The following AOPEP variants were observed in gnomAD, a reference collection of about 807,000 sequenced individuals.
AOPEP encodes the protein aminopeptidase O (putative).
A neutral mutation model predicts 98.1 loss-of-function variants in AOPEP; 77 were observed. The observed-to-expected ratio is 0.78, with a 90% CI of 0.65 to 0.95. The LOEUF is 0.95. Among genes scored for constraint, AOPEP ranks in the 40% least tolerant of loss-of-function variants. The probability of loss-of-function intolerance (pLI) is 0.00; values close to 1 mark genes in which losing one functional copy is unlikely to be tolerated. For synonymous variants in AOPEP, 346 were observed against 365.3 expected (o/e 0.95, Z 0.60); for missense variants, 1,024 against 1,024.7 (o/e 1.00, Z 0.01).
chr9:94,953,942 A>G (rs2058282819), intron 7 of AOPEP, among the ~76,000 whole-genome samples: 1 of 152,222 alleles, frequency 6.6e-6, no homozygotes, highest in Admixed American at 6.5e-5. Flanking sequence ...AAATATTTAA[A>G]ATTTTAAAGC....
chr9:94,768,163 G>A (rs758835180), intron 2 of AOPEP, among the ~76,000 whole-genome samples: 1 of 152,070 alleles, frequency 6.6e-6, no homozygotes, highest in African/African-American at 2.4e-5. Flanking sequence ...CTAAACTGTC[G>A]CATCTGTGGC....
At chr9:94,849,485 CTTT>C (rs1246780945) in intron 5 of AOPEP, among the ~76,000 whole-genome samples, 1 of 129,804 alleles carries the variant, frequency 7.7e-6, no homozygotes, top group Non-Finnish European at 1.6e-5. Context: ...GGTAACATTT[CTTT>C]TTTTTCTTTC....
chr9:95,004,702 A>G (rs1384414304), intron 11 of AOPEP, among the ~76,000 whole-genome samples: 4 of 134,100 alleles, frequency 3.0e-5, no homozygotes, highest in African/African-American at 5.7e-5. Context: ...CAGGGCGCGG[A>G]GCCGGGGGAG....
At chr9:95,096,522 C>T in the AOPEP span, among the ~76,000 whole-genome samples, 3 of 152,196 alleles carry the variant, frequency 2.0e-5, no homozygotes, top group South Asian at 2.1e-4. Context: ...GCCCAACAGG[C>T]GGCGGGCTCT....
At chr9:95,015,277 CTT>C (rs1471334812) in intron 13 of AOPEP, among the ~76,000 whole-genome samples, 5 of 152,134 alleles carry the variant, frequency 3.3e-5, no homozygotes, top group Admixed American at 3.3e-4. Flanking sequence ...GTGTTAGTGT[CTT>C]TATTTGAATA....
intron 11 of AOPEP, among the ~76,000 whole-genome samples, chr9:94,985,413 G>A (rs2060459588): frequency 6.6e-6 from 1 of 152,196 alleles, no homozygotes; most frequent in Non-Finnish European, 1.5e-5. Flanking sequence ...TATGCAGGAG[G>A]CTTTATGTCA....
chr9:94,877,832 C>T (rs1381028884), intron 5 of AOPEP, among the ~76,000 whole-genome samples: 4 of 152,188 alleles, frequency 2.6e-5, no homozygotes, highest in African/African-American at 9.7e-5. Context: ...CTTTTGCAGG[C>T]ATCACTTGGA....
intron 13 of AOPEP, among the ~76,000 whole-genome samples, chr9:95,049,294 G>A (rs1010149679): frequency 5.3e-5 from 8 of 152,198 alleles, no homozygotes; most frequent in African/African-American, 1.9e-4. Flanking sequence ...ACTTTGATAT[G>A]TTAAAGGGAA....
intron 2 of AOPEP, chr9:94,762,979 C>T (rs902385432): frequency 7.6e-5 from 17 of 223,530 alleles, no homozygotes; most frequent in Non-Finnish European, 1.7e-4. Flanking sequence ...CTAGCTAGAG[C>T]TTATTCCTCC....
chr9:94,985,228 T>G lies in AOPEP; in HGVS notation c.1977+5801T>G, dbSNP rs553948391. On this transcript the variant is annotated intron_variant, in intron 11 of 16. Coordinates refer to ENST00000375315, the MANE Select transcript of AOPEP (RefSeq NM_001193329.3). ...GAAAGCAACTTGGGTTCCCAGACTT[T>G]CTCCTGAATCCCAGAATTTAGAACA... Among the ~76,000 whole-genome samples, 92 of 152,368 alleles carry G rather than the reference T, an allele frequency of 6.0e-4. 1 individual carries two copies. The highest frequency in any genetic ancestry group is 2.1e-3 in the African/African-American group (86 of 41,590).
chr9:94,945,203 T>A (rs867753900), intron 7 of AOPEP, among the ~76,000 whole-genome samples: 1 of 152,324 alleles, frequency 6.6e-6, no homozygotes, highest in Middle Eastern at 3.4e-3. Context: ...CACAAGATTG[T>A]GTGTTTTATC....
the AOPEP span, among the ~76,000 whole-genome samples, chr9:95,148,444 G>A: frequency 5.3e-5 from 8 of 152,196 alleles, no homozygotes; most frequent in Admixed American, 5.2e-4. Context: ...AATTAGCAAA[G>A]TGACTCAGTC....
At chr9:95,088,354 C>T (rs2070815941), downstream of AOPEP, among the ~76,000 whole-genome samples, 1 of 152,132 alleles carries the variant, frequency 6.6e-6, no homozygotes. Flanking sequence ...GGATTACAGG[C>T]TCCCGCCACC....
chr9:94,841,431 C>T (rs956473917), intron 5 of AOPEP, among the ~76,000 whole-genome samples: 1 of 152,186 alleles, frequency 6.6e-6, no homozygotes, highest in Non-Finnish European at 1.5e-5. Context: ...GCCTTGGCCT[C>T]CCAAAGTGCT....
In AOPEP at chr9:94,994,844, G is replaced by A. The variant is rs139060757; in HGVS notation, c.1978-10314G>A. ...TGTACACCTGTAATCCCAGCTACTC[G>A]GGAGGCTGAGGCAAGAGAATTGTTT... is the stretch of plus-strand genomic sequence containing the variant. On this transcript the variant is annotated intron_variant, in intron 11 of 16. Coordinates refer to ENST00000375315, the MANE Select transcript of AOPEP (RefSeq NM_001193329.3). Among the ~76,000 whole-genome samples, 1,151 of 152,220 alleles carry A rather than the reference G, an allele frequency of 7.6e-3. 15 individuals carry two copies. The highest frequency in any genetic ancestry group is 0.026 in the African/African-American group (1,075 of 41,526).
the AOPEP span, chr9:95,117,345 G>C: frequency 1.2e-6 from 2 of 1,614,130 alleles, no homozygotes; most frequent in Non-Finnish European, 1.7e-6. Context: ...ACCATGGCAA[G>C]AGATGGAGAA....
At chr9:95,042,882 C>T (rs7862156) in intron 13 of AOPEP, among the ~76,000 whole-genome samples, 115,120 of 152,096 alleles carry the variant, frequency 0.76, 46,110 homozygotes, top group Non-Finnish European at 0.89. Context: ...GGCCATTATC[C>T]TGCCTACAAC....
chr9:95,145,302 T>C, the AOPEP span: 1 of 152,064 alleles, frequency 6.6e-6, no homozygotes, highest in Non-Finnish European at 1.5e-5. Flanking sequence ...AAAACACAAA[T>C]ACAACAAAAC....
intron 1 of AOPEP, among the ~76,000 whole-genome samples, chr9:94,751,961 C>T (rs966926955): frequency 2.5e-4 from 37 of 147,714 alleles, no homozygotes; most frequent in African/African-American, 8.7e-4. Flanking sequence ...GACACAATCA[C>T]GACTCACTGT....
Sources: allele counts gnomAD v4.1 joint callset (sites outside exome capture counted in the v4.1 genomes callset), GRCh38; gene constraint gnomAD v4.1.1; transcripts MANE v1.5; gene names NCBI Gene and HGNC (gene_info 2026-07-23, HGNC 2026-07-21).